ANKS1B: variants seen among roughly 807,000 people sequenced by gnomAD.
ANKS1B encodes the protein ankyrin repeat and sterile alpha motif domain-containing protein 1B.
A neutral mutation model predicts 148.3 loss-of-function variants in ANKS1B; 36 were observed. That is an observed-to-expected ratio of 0.24 (90% CI 0.19 to 0.32). The LOEUF (loss-of-function observed/expected upper bound fraction) is 0.32. ANKS1B is among the 10% of genes least tolerant of loss of function. ANKS1B has a pLI of 1.00. For missense variants in ANKS1B, 1,157 were observed against 1,542.6 expected (o/e 0.75, Z 4.19); for synonymous variants, 542 against 560.8 (o/e 0.97, Z 0.47).
intron 17 of ANKS1B, among the ~76,000 whole-genome samples, chr12:99,038,483 G>A (rs1055160259): frequency 1.3e-5 from 2 of 152,080 alleles, no homozygotes; most frequent in African/African-American, 2.4e-5. Context: ...GCCTCAGTAG[G>A]TTTTCAATGA....
intron 14 of ANKS1B, among the ~76,000 whole-genome samples, chr12:99,212,350 G>T (rs1001943718): frequency 9.9e-6 from 1 of 100,902 alleles, no homozygotes; most frequent in Non-Finnish European, 1.9e-5. Flanking sequence ...GCCTTTACAC[G>T]TGTAGAGATT....
intron 17 of ANKS1B, among the ~76,000 whole-genome samples, chr12:98,947,810 G>C (rs1319270554): frequency 6.6e-6 from 1 of 152,130 alleles, no homozygotes; most frequent in Non-Finnish European, 1.5e-5. Flanking sequence ...TGTGTCTTCT[G>C]CTGCTAGATG....
intron 8 of ANKS1B, among the ~76,000 whole-genome samples, chr12:99,704,425 C>T (rs2055380874): frequency 6.6e-6 from 1 of 152,104 alleles, no homozygotes; most frequent in African/African-American, 2.4e-5. Context: ...GACACTTCAA[C>T]ATTTCTAGAC....
chr12:98,848,889 C>T (rs2153748783), intron 17 of ANKS1B, among the ~76,000 whole-genome samples: 1 of 152,110 alleles, frequency 6.6e-6, no homozygotes, highest in South Asian at 2.1e-4. Context: ...TAGGCGCCTG[C>T]CACCACCCCT....
chr12:99,904,573 A>G (rs2093715294), intron 1 of ANKS1B, among the ~76,000 whole-genome samples: 1 of 152,068 alleles, frequency 6.6e-6, no homozygotes, highest in Admixed American at 6.6e-5. Flanking sequence ...AAGGACTATC[A>G]CCTATTTCCC....
chr12:99,735,436 A>G (rs2059523939), intron 8 of ANKS1B, among the ~76,000 whole-genome samples: 1 of 152,202 alleles, frequency 6.6e-6, no homozygotes, highest in South Asian at 2.1e-4. Flanking sequence ...GAACATCACA[A>G]CCAATACCTT....
chr12:99,793,948 A>T (rs1305855128), intron 4 of ANKS1B, among the ~76,000 whole-genome samples: 3 of 152,040 alleles, frequency 2.0e-5, no homozygotes. Context: ...TAACCAGAAT[A>T]TATAAGGAAC....
chr12:99,053,778 G>A (rs1203059148), intron 16 of ANKS1B, among the ~76,000 whole-genome samples: 2 of 152,202 alleles, frequency 1.3e-5, no homozygotes, highest in Non-Finnish European at 2.9e-5. Flanking sequence ...TGCAAGACAT[G>A]TATTGGAGGT....
rs548647875 is a variant in ANKS1B, at chr12:99,481,391, G to A, written c.1438+23085C>T. On this transcript the variant is annotated intron_variant, in intron 10 of 26. Coordinates refer to ENST00000683438, the MANE Select transcript of ANKS1B (RefSeq NM_001352186.2). ...TTTAATGGCTGAGTAGTATTCCATG[G>A]CATATATATACTACATTTTATATAC... is the stretch of plus-strand genomic sequence containing the variant. 7.3e-5 allele frequency among the ~76,000 whole-genome samples: 11 copies of A among 151,680 alleles called. No individual in the cohort carries two copies. The South Asian group carries it at 2.1e-3, about 29-fold the overall frequency.
intron 14 of ANKS1B, among the ~76,000 whole-genome samples, chr12:99,156,056 TG>T (rs1208857462): frequency 1.3e-5 from 2 of 152,162 alleles, no homozygotes; most frequent in African/African-American, 4.8e-5. Flanking sequence ...ATTGAATAAA[TG>T]AAACATCGCT....
At chr12:99,618,422 AGCATAAAAATAGT>A (rs1190146457) in intron 9 of ANKS1B, among the ~76,000 whole-genome samples, 1 of 152,180 alleles carries the variant, frequency 6.6e-6, no homozygotes, top group African/African-American at 2.4e-5. Flanking sequence ...ACTTGGAAGT[AGCATAAAAATAGT>A]GCATAAAAAT....
intron 19 of ANKS1B, among the ~76,000 whole-genome samples, chr12:98,821,820 C>T (rs2099195678): frequency 6.6e-6 from 1 of 151,802 alleles, no homozygotes. Flanking sequence ...GTTGCCCAGC[C>T]TGGTCTTGAA....
intron 12 of ANKS1B, among the ~76,000 whole-genome samples, chr12:99,347,711 C>T (rs2043819698): frequency 6.6e-6 from 1 of 151,704 alleles, no homozygotes; most frequent in African/African-American, 2.4e-5. Context: ...AGACAAGTAG[C>T]AATAACAAAA....
At position 99,428,661 on chromosome 12, in the gene ANKS1B, T is replaced by A. The variant is rs537192428; in HGVS notation, c.1575+15012A>T. Reference sequence around the variant, plus strand: ...ATACCCAGACCCACGTGCATACGTATATGTACGTACTATGCTTATATACAA... The same window carrying A: ...ATACCCAGACCCACGTGCATACGTAAATGTACGTACTATGCTTATATACAA... On this transcript the variant is annotated intron_variant, in intron 11 of 26. Coordinates refer to ENST00000683438, the MANE Select transcript of ANKS1B (RefSeq NM_001352186.2). Among the ~76,000 whole-genome samples the A allele has an allele frequency of 7.6e-4, 116 of 152,328 alleles. 1 individual carries two copies. In the South Asian group the frequency reaches 0.024, roughly 31 times the overall value.
intron 16 of ANKS1B, chr12:99,083,758 A>G (rs897137428): frequency 1.3e-5 from 2 of 152,076 alleles, no homozygotes; most frequent in African/African-American, 2.4e-5. Flanking sequence ...ACTTCCAGCA[A>G]TTTGTTGCCT....
chr12:99,381,419 G>C (rs904786491), intron 12 of ANKS1B, among the ~76,000 whole-genome samples: 4 of 152,178 alleles, frequency 2.6e-5, no homozygotes, highest in African/African-American at 9.7e-5. Context: ...AACGCACTGT[G>C]TAGAATGAGA....
chr12:99,715,488 C>G (rs1337993260), intron 8 of ANKS1B, among the ~76,000 whole-genome samples: 1 of 152,204 alleles, frequency 6.6e-6, no homozygotes, highest in Admixed American at 6.5e-5. Flanking sequence ...TATCTCCCTT[C>G]GCTGACTCTT....
intron 15 of ANKS1B, among the ~76,000 whole-genome samples, chr12:99,132,282 C>T (rs1472674274): frequency 2.6e-5 from 4 of 151,930 alleles, no homozygotes; most frequent in Admixed American, 2.6e-4. Flanking sequence ...CATTGGCAAG[C>T]GGGGATCACT....
intron 14 of ANKS1B, among the ~76,000 whole-genome samples, chr12:99,190,277 A>G (rs1368869134): frequency 6.6e-6 from 1 of 152,232 alleles, no homozygotes; most frequent in Non-Finnish European, 1.5e-5. Context: ...AAAGCAATTT[A>G]TAGATACAAT....
Sources: gnomAD v4.1 joint callset for allele counts (sites outside exome capture counted in the v4.1 genomes callset) on GRCh38, gnomAD v4.1.1 for gene constraint, MANE v1.5 for transcripts, NCBI Gene and HGNC (gene_info 2026-07-23, HGNC 2026-07-21) for gene names.